The following FKBP15 variants were observed in gnomAD, a reference collection of about 807,000 sequenced individuals.
FKBP15 encodes the protein FKBP prolyl isomerase family member 15.
A neutral mutation model predicts 158.1 loss-of-function variants in FKBP15; 106 were observed. The ratio of observed to expected loss-of-function variants is 0.67; its 90% confidence interval spans 0.57 to 0.79. The LOEUF is 0.79. FKBP15 is among the 30% of genes least tolerant of loss of function. The pLI is 0.00. For missense variants in FKBP15, 1,287 were observed against 1,479.1 expected (o/e 0.87, Z 2.13); for synonymous variants, 547 against 548.6 (o/e 1.00, Z 0.04).
At chr9:113,211,645 A>G (rs757159018) in intron 1 of FKBP15, 53 bp from the exon 2 acceptor site, 38 of 1,359,636 alleles carry the variant, frequency 2.8e-5, no homozygotes, top group Non-Finnish European at 3.9e-5. Flanking sequence ...CAAACCTGGA[A>G]TTATTATAAA....
chr9:113,196,347 T>C (rs1299295224), intron 9 of FKBP15, among the ~76,000 whole-genome samples: 1 of 150,706 alleles, frequency 6.6e-6, no homozygotes, highest in East Asian at 2.0e-4. Flanking sequence ...TACTATTTTA[T>C]AGACAAAATA....
At chr9:113,169,127 T>G in intron 26 of FKBP15, 97 bp downstream of exon 26, 2 of 1,435,024 alleles carry the variant, frequency 1.4e-6, no homozygotes, top group Non-Finnish European at 1.8e-6. Flanking sequence ...CATGAGTAAA[T>G]TAGTCTCTGA....
At chr9:113,172,463 C>T (rs1002335278) in intron 23 of FKBP15, among the ~76,000 whole-genome samples, 1 of 152,254 alleles carries the variant, frequency 6.6e-6, no homozygotes, top group East Asian at 1.9e-4. Flanking sequence ...ACACTCCCAC[C>T]AACAGTGTAA....
At chr9:113,212,326 C>T (rs553853815) in intron 1 of FKBP15, among the ~76,000 whole-genome samples, 282 of 152,150 alleles carry the variant, frequency 1.9e-3, no homozygotes, top group Non-Finnish European at 3.2e-3. Flanking sequence ...GTAGCTGGGA[C>T]TACAGGCGCG....
At chr9:113,211,664 A>G (rs943271753) in intron 1 of FKBP15, 72 bp from the exon 2 acceptor site, 1 of 1,110,650 alleles carries the variant, frequency 9.0e-7, no homozygotes, top group Middle Eastern at 2.4e-4. Context: ...AAAGCTGCTC[A>G]TCTCCAACCT....
chr9:113,187,841 T>A lies in FKBP15; in HGVS notation c.1335A>T (p.Ser445=), dbSNP rs1587960541. 3.1e-6 allele frequency: 5 copies of A among 1,613,912 alleles called. No homozygotes were observed. Among genetic ancestry groups the A allele is most frequent in the Middle Eastern group, 3.3e-4 (2 of 6,062 alleles). The change falls in exon 14 of 28, where the codon TCA becomes TCT. Residue 445 remains serine, a synonymous_variant. Coordinates refer to ENST00000238256, the MANE Select transcript of FKBP15 (RefSeq NM_015258.2). ...ATACAGCTGAGTGGGAATCGAGAGA[T>A]GACACTTGCATTAAGGCAGCAGAAG... ...QAPSAALMQV[S]SLDSHSAVSG... is the part of the protein sequence containing the mutation.
rs1455121967 is a variant in FKBP15, at chr9:113,161,080, T to G, written c.*4998A>C. ...TATATATAAAAGAAACCTTAGAAAG[T>G]TAGGCAAGAACATAAAAACCACCTG... On this transcript the variant is annotated 3_prime_UTR_variant, in exon 28 of 28. Transcript: ENST00000238256. The G allele has an allele frequency of 6.4e-6, 1 of 156,232 alleles. No individual in the cohort carries two copies. The highest frequency in any genetic ancestry group is 2.4e-5 in the African/African-American group (1 of 41,520). The allele number at this position is 156,232 out of a possible 1,614,324, so 9.7% of individuals were successfully genotyped here.
chr9:113,165,875 G>C lies in FKBP15; in HGVS notation c.*203C>G, dbSNP rs1830090196. On this transcript the variant is annotated 3_prime_UTR_variant, in exon 28 of 28. Coordinates refer to ENST00000238256, the MANE Select transcript of FKBP15 (RefSeq NM_015258.2). ...TTGCTGCTGAAATCCCAGTGTTCTT[G>C]AAGACAGGGTTATGATCCTCTTCAC... 3.9e-6 allele frequency: 2 copies of C among 508,302 alleles called. No individual in the cohort carries two copies. Among genetic ancestry groups the C allele is most frequent in the East Asian group, 6.5e-5 (2 of 30,922 alleles). The allele number at this position is 508,302 out of a possible 1,614,324, so 31.5% of individuals were successfully genotyped here.
At chr9:113,215,177 G>A (rs779653234) in intron 1 of FKBP15, among the ~76,000 whole-genome samples, 2 of 152,246 alleles carry the variant, frequency 1.3e-5, no homozygotes, top group African/African-American at 4.8e-5. Flanking sequence ...TGGCTAACTG[G>A]CACAAGAGGC....
At chr9:113,208,151 A>G (rs1437301991) in intron 2 of FKBP15, among the ~76,000 whole-genome samples, 3 of 152,122 alleles carry the variant, frequency 2.0e-5, no homozygotes, top group Non-Finnish European at 4.4e-5. Flanking sequence ...AGCCTGGCCA[A>G]TATGGTGAAA....
rs756789847 is a variant in FKBP15 at position 113,182,771 on chromosome 9, C to A, written c.1909G>T (p.Glu637Ter). 6 of 1,613,654 alleles carry A rather than the reference C, an allele frequency of 3.7e-6. No individual in the cohort carries two copies. Among genetic ancestry groups the A allele is most frequent in the Non-Finnish European group, 5.1e-6 (6 of 1,179,628 alleles). Reference protein sequence around the residue: ...TQARVLHAEQEKAKVTEELAA... With the variant: ...TQARVLHAEQ ...TCTCTCCCCAGTTGCTTTACCTTCT[C>A]TTGTTCAGCATGCAATACTCTTGCC... is the stretch of plus-strand genomic sequence containing the variant. Residue 637 changes from glutamate (E) to a stop codon, truncating the protein, a stop_gained, in exon 19 of 28, where the codon GAG (glutamate) becomes TAG (stop). Transcript: ENST00000238256. LOFTEE classifies it high-confidence loss of function.
chr9:113,167,352 T>G (rs1830114968), intron 27 of FKBP15, among the ~76,000 whole-genome samples: 3 of 152,210 alleles, frequency 2.0e-5, no homozygotes, highest in African/African-American at 7.2e-5. Context: ...ATACCAATAA[T>G]ATGCTCACTA....
At chr9:113,217,862 A>G (rs1831171287) in intron 1 of FKBP15, among the ~76,000 whole-genome samples, 1 of 152,088 alleles carries the variant, frequency 6.6e-6, no homozygotes, top group African/African-American at 2.4e-5. Flanking sequence ...TAAATAAACA[A>G]AAATAAATAA....
chr9:113,206,536 T>A lies in FKBP15; in HGVS notation c.297A>T (p.Ala99=). 1 of 1,613,952 alleles carries A rather than the reference T, an allele frequency of 6.2e-7. No homozygotes were observed. The highest frequency in any genetic ancestry group is 1.3e-5 in the African/African-American group (1 of 75,058). ...CTCTGGCTGTGTGGTTCCCCAGAAC[T>A]GCAGCACCAAATTTGCCCTGCTTTA... ...QYVKQGKFGA[A]VLGNHTAREY... Residue 99 remains alanine, a synonymous_variant, in exon 4 of 28, where the codon GCA becomes GCT. Transcript: ENST00000238256.
chr9:113,203,620 C>T (rs1264042603), intron 4 of FKBP15, among the ~76,000 whole-genome samples: 4 of 151,840 alleles, frequency 2.6e-5, no homozygotes, highest in South Asian at 4.2e-4. Flanking sequence ...CACTGCCTCC[C>T]GGGTTCAAGC....
At chr9:113,194,788 G>A (rs1830639345) in intron 9 of FKBP15, among the ~76,000 whole-genome samples, 1 of 152,040 alleles carries the variant, frequency 6.6e-6, no homozygotes, top group East Asian at 1.9e-4. Context: ...AACTTCAAGG[G>A]TCAGCCCTTC....
intron 2 of FKBP15, among the ~76,000 whole-genome samples, chr9:113,208,302 AC>A (rs1332941437): frequency 6.6e-6 from 1 of 152,166 alleles, no homozygotes; most frequent in Non-Finnish European, 1.5e-5. Context: ...GCACCACTGC[AC>A]CCCAGCCTGG....
In FKBP15 at chr9:113,162,570, G is replaced by T; in HGVS notation, c.*3508C>A. On this transcript the variant is annotated 3_prime_UTR_variant, in exon 28 of 28. Transcript: ENST00000238256. The stretch of plus-strand genomic sequence containing the variant: ...ATATGTCTCTTTAAAAATAAATCTC[G>T]AGTTTTTTCTGGGGGCGGGGGTGGG... The T allele has an allele frequency of 2.0e-6, 1 of 490,622 alleles. No homozygotes were observed. 30.4% of individuals were successfully genotyped at this position (490,622 alleles called of 1,614,324 possible). A position where few individuals can be genotyped will look rare whatever the true frequency, so the allele number is the denominator to read the frequency against.
chr9:113,192,111 C>T (rs911181794), intron 11 of FKBP15, among the ~76,000 whole-genome samples: 3 of 151,440 alleles, frequency 2.0e-5, no homozygotes, highest in African/African-American at 7.3e-5. Context: ...AAATAGGTAA[C>T]GAGTTGTTAT....
Sources: gnomAD v4.1 joint callset for allele counts (sites outside exome capture counted in the v4.1 genomes callset) on GRCh38, gnomAD v4.1.1 for gene constraint, MANE v1.5 for transcripts, NCBI Gene and HGNC (gene_info 2026-07-23, HGNC 2026-07-21) for gene names.